The following TNRC6C variants were observed in gnomAD, a reference collection of about 807,000 sequenced individuals.
TNRC6C encodes trinucleotide repeat-containing gene 6C protein.
A neutral mutation model predicts 153.7 loss-of-function variants in TNRC6C; 20 were observed. That is an observed-to-expected ratio of 0.13 (90% confidence interval 0.09 to 0.19). TNRC6C has a LOEUF of 0.19. TNRC6C is among the 10% of genes least tolerant of loss of function. TNRC6C has a pLI of 1.00. For synonymous variants in TNRC6C, 811 were observed against 841.4 expected (o/e 0.96, Z 0.63); for missense variants, 1,987 against 2,172.0 (o/e 0.91, Z 1.69).
At chr17:78,063,309 ACAC>A (rs1321416455) in intron 3 of TNRC6C, among the ~76,000 whole-genome samples, 1 of 150,688 alleles carries the variant, frequency 6.6e-6, no homozygotes, top group African/African-American at 2.4e-5. Flanking sequence ...AGGAGAAAGT[ACAC>A]TTACTATTCA....
At chr17:77,979,550 G>A (rs1277913885) in intron 1 of TNRC6C, among the ~76,000 whole-genome samples, 1 of 151,808 alleles carries the variant, frequency 6.6e-6, no homozygotes, top group African/African-American at 2.4e-5. Flanking sequence ...ACAAAAGGAT[G>A]GAAAATGAAA....
exon 3 of TNRC6C, chr17:78,050,064 C>T (rs367779860): frequency 8.1e-6 from 13 of 1,610,378 alleles, no homozygotes; most frequent in Admixed American, 5.0e-5. Flanking sequence ...CCAGCCGAAG[C>T]ACCTCTAACG....
intron 15 of TNRC6C, 86 bp from the exon 18 acceptor site, chr17:78,093,534 A>G (rs2073429439): frequency 4.6e-6 from 7 of 1,522,542 alleles, no homozygotes; most frequent in Non-Finnish European, 6.2e-6. Flanking sequence ...AAATTTCTAC[A>G]AACAGGACAA....
intron 2 of TNRC6C, among the ~76,000 whole-genome samples, chr17:78,035,977 C>CA (rs1470388654): frequency 1.1e-4 from 16 of 151,918 alleles, no homozygotes; most frequent in African/African-American, 3.1e-4. Context: ...TACATTAAAA[C>CA]AAAAAAACAG....
At chr17:78,083,139 G>C in exon 11 of TNRC6C, 1 of 1,613,974 alleles carries the variant, frequency 6.2e-7, no homozygotes, top group Non-Finnish European at 8.5e-7. Flanking sequence ...ATATGACGAT[G>C]TTGAACCAGC....
In TNRC6C at chr17:78,049,035, C is replaced by T. The variant is rs1003091781; in HGVS notation, c.-28C>T. 16 of 1,488,112 alleles carry T rather than the reference C, an allele frequency of 1.1e-5. No individual in the cohort carries two copies. Among genetic ancestry groups the T allele is most frequent in the East Asian group, 2.4e-5 (1 of 42,538 alleles). 92.2% of individuals were successfully genotyped at this position (1,488,112 alleles called of 1,614,324 possible). A position where few individuals can be genotyped will look rare whatever the true frequency, so the allele number is the denominator to read the frequency against. On this transcript the variant is annotated 5_prime_UTR_variant, in exon 3 of 20. Transcript: ENST00000301624. The surrounding 1 kb of genome is among the most constrained non-coding windows in gnomAD (Gnocchi z 4.1). ...AATGTACTACAGACACTGACTCTGC[C>T]TCCAACTGTGGCTCAGAGAACAGTA...
intron 9 of TNRC6C, among the ~76,000 whole-genome samples, chr17:78,078,862 G>T (rs1172605605): frequency 6.6e-6 from 1 of 152,144 alleles, no homozygotes; most frequent in Non-Finnish European, 1.5e-5. Flanking sequence ...GGAGGCCGAG[G>T]CAGGTGGATC....
In TNRC6C at chr17:78,031,986, G is replaced by A. The variant is rs80062865; in HGVS notation, c.-219+144G>A. On this transcript the variant is annotated intron_variant, in intron 2 of 19. Transcript: ENST00000301624. ...AGACAAATTCATTTCATTTTAAGTGGGTTTTAAAATTTAATTGTGTTTTCC... is the reference window on the plus strand; with the variant it reads ...AGACAAATTCATTTCATTTTAAGTGAGTTTTAAAATTTAATTGTGTTTTCC... 634 of 743,730 alleles carry A rather than the reference G, an allele frequency of 8.5e-4. 4 individuals carry two copies. In the African/African-American group the frequency reaches 0.011, roughly 12 times the overall value. The allele number at this position is 743,730 out of a possible 1,614,324, so 46.1% of individuals were successfully genotyped here.
At chr17:78,099,496 A>C (rs1047478148) in intron 17 of TNRC6C, among the ~76,000 whole-genome samples, 3 of 152,220 alleles carry the variant, frequency 2.0e-5, no homozygotes, top group African/African-American at 7.2e-5. Context: ...AAGAAGAGAG[A>C]GAGAGCTTGT....
chr17:78,065,341 C>T (rs1019661969), intron 4 of TNRC6C, among the ~76,000 whole-genome samples: 3 of 151,630 alleles, frequency 2.0e-5, no homozygotes, highest in Non-Finnish European at 2.9e-5. Context: ...AGAGCAAGAC[C>T]CCATCTCTTT....
intron 3 of TNRC6C, among the ~76,000 whole-genome samples, chr17:78,062,850 C>T (rs2072795649): frequency 6.6e-6 from 1 of 152,288 alleles, no homozygotes; most frequent in Admixed American, 6.5e-5. Context: ...AACTTAACTA[C>T]TTGACCAGAA....
chr17:78,065,819 A>G (rs2072864921), intron 4 of TNRC6C, among the ~76,000 whole-genome samples: 2 of 152,236 alleles, frequency 1.3e-5, no homozygotes, highest in African/African-American at 4.8e-5. Context: ...GCAGGTAATA[A>G]GTATCCTTAT....
intron 1 of TNRC6C, among the ~76,000 whole-genome samples, chr17:77,982,039 A>G (rs569123194): frequency 1.3e-5 from 2 of 152,330 alleles, no homozygotes; most frequent in South Asian, 2.1e-4. Context: ...AAATGGGATT[A>G]GAGACACAGA....
chr17:78,046,346 AATTTTTGTG>A (rs2072410181), intron 2 of TNRC6C, among the ~76,000 whole-genome samples: 2 of 151,986 alleles, frequency 1.3e-5, no homozygotes, highest in Admixed American at 1.3e-4. Context: ...ACACCCGGCT[AATTTTTGTG>A]TAAGTAGAGA....
chr17:78,035,712 T>C (rs544433027), intron 2 of TNRC6C, among the ~76,000 whole-genome samples: 76 of 152,342 alleles, frequency 5.0e-4, no homozygotes, highest in Non-Finnish European at 8.5e-4. Context: ...CTCTGTGATT[T>C]GTGTATATTT....
intron 1 of TNRC6C, among the ~76,000 whole-genome samples, chr17:77,985,964 A>G (rs1050252254): frequency 6.6e-6 from 1 of 152,224 alleles, no homozygotes; most frequent in African/African-American, 2.4e-5. Context: ...AAGCTAAAAA[A>G]TTATTTGATG....
Position 78,079,622 on chromosome 17 carries a change from A to G in TNRC6C, c.3357+81A>G. The G allele has an allele frequency of 6.5e-7, 1 of 1,530,744 alleles. No individual in the cohort carries two copies. Among genetic ancestry groups the G allele is most frequent in the East Asian group, 2.3e-5 (1 of 43,880 alleles). 94.8% of individuals were successfully genotyped at this position (1,530,744 alleles called of 1,614,324 possible). On this transcript the variant is annotated intron_variant, in intron 10 of 19. Transcript: ENST00000301624. The surrounding 1 kb of genome is among the most constrained non-coding windows in gnomAD (Gnocchi z 4.3). ...TGGGGTCCTGTGTTATCTGGAAGTC[A>G]CTATTTTAAAGTGAGAGCGGAGTTA...
At chr17:78,021,344 C>T (rs926387705) in intron 1 of TNRC6C, among the ~76,000 whole-genome samples, 3 of 152,228 alleles carry the variant, frequency 2.0e-5, no homozygotes, top group Non-Finnish European at 2.9e-5. Context: ...GCGTGGGCCA[C>T]GCATTCAGAC....
At chr17:78,099,508 C>T (rs1416216838) in intron 17 of TNRC6C, among the ~76,000 whole-genome samples, 1 of 152,200 alleles carries the variant, frequency 6.6e-6, no homozygotes, top group Non-Finnish European at 1.5e-5. Context: ...AGAGCTTGTG[C>T]AGGGAAACTC....
Sources: allele counts gnomAD v4.1 joint callset (sites outside exome capture counted in the v4.1 genomes callset), GRCh38; gene constraint gnomAD v4.1.1; non-coding constraint Gnocchi (gnomAD v3.1); transcripts MANE v1.5; gene names NCBI Gene and HGNC (gene_info 2026-07-23, HGNC 2026-07-21).